The following PINX1 variants were observed in gnomAD, a reference collection of about 807,000 sequenced individuals.
The protein encoded by PINX1 is PIN2 (TERF1) interacting telomerase inhibitor 1.
A neutral mutation model predicts 25.4 loss-of-function variants in PINX1; 34 were observed. That is an observed-to-expected ratio of 1.34 (90% CI 1.02 to 1.78). The LOEUF is 1.78. PINX1 is among the 40% of genes most tolerant of loss of function. The pLI, the probability that PINX1 is intolerant of heterozygous loss-of-function variation, is 0.00. For synonymous variants in PINX1, 197 were observed against 147.7 expected, an observed-to-expected ratio of 1.33 and a Z score of -2.42; for missense variants, 592 against 404.9, an observed-to-expected ratio of 1.46 and a Z score of -3.97.
At chr8:10,774,901 G>T (rs1041739483) in intron 6 of PINX1, among the ~76,000 whole-genome samples, 1 of 151,990 alleles carries the variant, frequency 6.6e-6, no homozygotes, top group South Asian at 2.1e-4. Context: ...ATAAAATTCC[G>T]AAATTAGTCA....
intron 6 of PINX1, 77 bp downstream of exon 6, chr8:10,820,112 CATAG>C (rs1169617634): frequency 1.1e-6 from 1 of 885,742 alleles, no homozygotes; most frequent in Non-Finnish European, 1.9e-6. Context: ...AAGTACTAGT[CATAG>C]ATAGAAACAG....
intron 6 of PINX1, among the ~76,000 whole-genome samples, chr8:10,805,865 G>A (rs777428192): frequency 2.2e-4 from 12 of 55,592 alleles, no homozygotes; most frequent in East Asian, 1.4e-3. Context: ...AGTGGGTGAC[G>A]GAGCACAGGA....
intron 6 of PINX1, among the ~76,000 whole-genome samples, chr8:10,801,091 T>G (rs1471841660): frequency 6.6e-6 from 1 of 152,170 alleles, no homozygotes; most frequent in Non-Finnish European, 1.5e-5. Flanking sequence ...GAGGAATATA[T>G]TTTAGGAAGA....
At position 10,834,503 on chromosome 8, in the gene PINX1, T is replaced by C. The variant is rs916638856; in HGVS notation, c.129+163A>G. 1.5e-4 allele frequency: 153 copies of C among 1,029,576 alleles called. No homozygotes were observed. In the African/African-American group the frequency reaches 2.3e-3, roughly 15 times the overall value. 63.8% of individuals were successfully genotyped at this position (1,029,576 alleles called of 1,614,324 possible). A position where few individuals can be genotyped will look rare whatever the true frequency, so the allele number is the denominator to read the frequency against. ...ATAGAAAGTTGACACTTATGTCCAA[T>C]CCTAATTTATCATCATAAGGTCACA... On this transcript the variant is annotated intron_variant, in intron 2 of 6. Coordinates refer to ENST00000314787, the MANE Select transcript of PINX1 (RefSeq NM_017884.6).
chr8:10,768,428 G>T (rs1386661372), intron 6 of PINX1, among the ~76,000 whole-genome samples: 1 of 152,164 alleles, frequency 6.6e-6, no homozygotes, highest in Non-Finnish European at 1.5e-5. Context: ...TGAGTCACTT[G>T]TTGAATTCAG....
intron 6 of PINX1, among the ~76,000 whole-genome samples, chr8:10,766,153 G>A (rs1455487074): frequency 6.6e-6 from 1 of 152,176 alleles, no homozygotes; most frequent in Non-Finnish European, 1.5e-5. Context: ...CTCCGGCTGG[G>A]TACCAGGTGG....
Position 10,829,295 on chromosome 8 carries a change from A to AG in PINX1, c.301+2369_301+2370insC, listed in dbSNP as rs1355929538. 2.6e-5 allele frequency among the ~76,000 whole-genome samples: 4 copies of AG among 151,752 alleles called. No individual in the cohort carries two copies. The East Asian group carries it at 5.8e-4, about 22-fold the overall frequency. ...AGCAAGACTCCATCTCAAAAAAAAAAAAAAAAAAAAGAGAGAGAGAAAATA... is the reference window on the plus strand; with the variant it reads ...AGCAAGACTCCATCTCAAAAAAAAAAGAAAAAAAAAAGAGAGAGAGAAAATA... On this transcript the variant is annotated intron_variant, in intron 4 of 6. Transcript: ENST00000314787.
Position 10,793,303 on chromosome 8 carries a change from G to C in PINX1, c.471+26890C>G, listed in dbSNP as rs554492422. On this transcript the variant is annotated intron_variant, in intron 6 of 6. Transcript: ENST00000314787. ...TTATTGACAAGTTCTTCTGAGCCAA[G>C]AGTTATGCTCCTGAGCTTAGTTTGC... 4.6e-5 allele frequency among the ~76,000 whole-genome samples: 7 copies of C among 152,286 alleles called. No individual in the cohort carries two copies. The South Asian group carries it at 1.4e-3, about 32-fold the overall frequency.
chr8:10,781,531 G>T (rs1230046446), intron 6 of PINX1, among the ~76,000 whole-genome samples: 1 of 152,110 alleles, frequency 6.6e-6, no homozygotes, highest in Non-Finnish European at 1.5e-5. Flanking sequence ...TTAAAAAATG[G>T]GCAAAGATGC....
At chr8:10,828,545 C>A (rs894392197) in intron 4 of PINX1, among the ~76,000 whole-genome samples, 2 of 152,184 alleles carry the variant, frequency 1.3e-5, no homozygotes, top group African/African-American at 4.8e-5. Context: ...GAGGCCACAT[C>A]CTGAAGCACC....
rs36091444 is a variant in PINX1, at chr8:10,789,322, G to A, written c.472-23406C>T. On this transcript the variant is annotated intron_variant, in intron 6 of 6. Coordinates refer to ENST00000314787, the MANE Select transcript of PINX1 (RefSeq NM_017884.6). Reference sequence around the variant, plus strand: ...TATAAGTGACAGAGGAAGACTCTATGTTTAAGGTGTGCCATGTGATGTTTT... The same window carrying A: ...TATAAGTGACAGAGGAAGACTCTATATTTAAGGTGTGCCATGTGATGTTTT... Among the ~76,000 whole-genome samples the A allele has an allele frequency of 6.8e-3, 1,029 of 152,334 alleles. 9 individuals carry two copies. Among genetic ancestry groups the A allele is most frequent in the Middle Eastern group, 0.02 (6 of 294 alleles).
chr8:10,769,401 C>G (rs558173795), intron 6 of PINX1, among the ~76,000 whole-genome samples: 1 of 152,274 alleles, frequency 6.6e-6, no homozygotes, highest in Admixed American at 6.5e-5. Context: ...CTGACTTTCC[C>G]AAATGGTAAG....
chr8:10,806,966 G>T (rs915079002), intron 6 of PINX1, among the ~76,000 whole-genome samples: 1 of 152,176 alleles, frequency 6.6e-6, no homozygotes, highest in Non-Finnish European at 1.5e-5. Flanking sequence ...ATCTGAGAAG[G>T]CTGCCTCTGC....
chr8:10,773,234 G>A (rs1586132902), intron 6 of PINX1, among the ~76,000 whole-genome samples: 1 of 152,118 alleles, frequency 6.6e-6, no homozygotes, highest in Admixed American at 6.5e-5. Context: ...ATACACACAT[G>A]TACATATATA....
intron 3 of PINX1, 22 bp downstream of exon 3, chr8:10,832,870 G>A (rs990451552): frequency 1.4e-6 from 2 of 1,451,510 alleles, no homozygotes; most frequent in Non-Finnish European, 1.9e-6. Flanking sequence ...AAGACACCCA[G>A]GAGGCACACA....
intron 1 of PINX1, among the ~76,000 whole-genome samples, chr8:10,837,279 A>G (rs1798432610): frequency 6.6e-6 from 1 of 152,188 alleles, no homozygotes; most frequent in South Asian, 2.1e-4. Context: ...GGTGGGCAAC[A>G]TTCCATATTT....
At chr8:10,836,217 T>C (rs55848210) in intron 1 of PINX1, among the ~76,000 whole-genome samples, 24,674 of 151,734 alleles carry the variant, frequency 0.16, 2,519 homozygotes, top group Non-Finnish European at 0.23. Context: ...CCTTTACAAA[T>C]ACACAGGCAG....
At chr8:10,773,074 T>C (rs954369059) in intron 6 of PINX1, among the ~76,000 whole-genome samples, 4 of 152,254 alleles carry the variant, frequency 2.6e-5, no homozygotes, top group Non-Finnish European at 4.4e-5. Context: ...TTGTTTTCTT[T>C]CTCATTATAC....
chr8:10,798,327 A>G (rs974786059), intron 6 of PINX1, among the ~76,000 whole-genome samples: 11 of 152,232 alleles, frequency 7.2e-5, no homozygotes, highest in African/African-American at 2.7e-4. Context: ...TATTACTTCA[A>G]GTTGACTTCC....
Sources: allele counts gnomAD v4.1 joint callset (sites outside exome capture counted in the v4.1 genomes callset), GRCh38; gene constraint gnomAD v4.1.1; transcripts MANE v1.5; gene names NCBI Gene and HGNC (gene_info 2026-07-23, HGNC 2026-07-21).